The following SGCE variants were observed in gnomAD, a reference collection of about 807,000 sequenced individuals.
SGCE encodes the protein sarcoglycan epsilon.
Under a neutral mutation model 57.8 loss-of-function variants are expected in SGCE, and 26 were observed. The observed-to-expected ratio is 0.45, with a 90% CI of 0.33 to 0.62. The LOEUF (loss-of-function observed/expected upper bound fraction) is 0.62, where lower values mean the gene tolerates loss of function less well. SGCE is among the 20% of genes least tolerant of loss of function. The pLI is 0.02. For missense variants in SGCE, 468 were observed against 548.6 expected, an observed-to-expected ratio of 0.85 and a Z score of 1.47; for synonymous variants, 183 against 189.5, an observed-to-expected ratio of 0.97 and a Z score of 0.28.
chr7:94,640,731 T>TC (rs1806270692), intron 1 of SGCE, among the ~76,000 whole-genome samples: 1 of 152,150 alleles, frequency 6.6e-6, no homozygotes, highest in Non-Finnish European at 1.5e-5. Flanking sequence ...CACTGCAACC[T>TC]CCGCCTCCTG....
At chr7:94,588,619 T>A (rs1797229574) in intron 10 of SGCE, 70 bp downstream of exon 10, 1 of 1,551,586 alleles carries the variant, frequency 6.4e-7, no homozygotes, top group African/African-American at 1.4e-5. Flanking sequence ...ATAAATTATA[T>A]AGTGCCATAA....
chr7:94,596,571 G>T (rs898018088), intron 9 of SGCE, among the ~76,000 whole-genome samples: 5 of 152,034 alleles, frequency 3.3e-5, no homozygotes, highest in African/African-American at 1.2e-4. Flanking sequence ...CACACTAAGG[G>T]ACTGAAGACT....
chr7:94,648,147 A>G (rs1208397134), intron 1 of SGCE, among the ~76,000 whole-genome samples: 1 of 152,116 alleles, frequency 6.6e-6, no homozygotes, highest in East Asian at 1.9e-4. Flanking sequence ...CTGAGGTGGG[A>G]GAATCACCAG....
intron 1 of SGCE, among the ~76,000 whole-genome samples, chr7:94,633,894 C>T (rs1250448399): frequency 6.6e-6 from 1 of 152,166 alleles, no homozygotes; most frequent in African/African-American, 2.4e-5. Flanking sequence ...ACACACACAG[C>T]CCCTTCACTA....
intron 1 of SGCE, among the ~76,000 whole-genome samples, chr7:94,643,877 T>G (rs1471068517): frequency 6.6e-6 from 1 of 152,130 alleles, no homozygotes; most frequent in Non-Finnish European, 1.5e-5. Flanking sequence ...GACGGAAAAA[T>G]ATGACTCAAT....
intron 3 of SGCE, chr7:94,623,762 C>T: frequency 2.6e-6 from 1 of 391,548 alleles, no homozygotes; most frequent in East Asian, 3.6e-5. Context: ...AATTTTTGTA[C>T]TTTTAAATGG....
intron 10 of SGCE, chr7:94,588,264 AT>A: frequency 9.6e-7 from 1 of 1,043,852 alleles, no homozygotes; most frequent in South Asian, 3.8e-5. Flanking sequence ...GCCATTTCTC[AT>A]TTATCCCCCT....
Position 94,637,961 on chromosome 7 carries a change from T to C in SGCE, c.110-8120A>G, listed in dbSNP as rs192108128. Among the ~76,000 whole-genome samples the C allele has an allele frequency of 1.7e-4, 26 of 151,698 alleles. No individual in the cohort carries two copies. The East Asian group carries it at 5.0e-3, about 29-fold the overall frequency. On this transcript the variant is annotated intron_variant, in intron 1 of 10. Transcript: ENST00000648936. ...ACACCGGGGACCCATAACCAGAAAA[T>C]AGATTAGAAAAAAGGAAGAGTGACT...
intron 1 of SGCE, among the ~76,000 whole-genome samples, chr7:94,640,041 C>T (rs1011735843): frequency 1.3e-5 from 2 of 151,932 alleles, no homozygotes; most frequent in African/African-American, 4.8e-5. Context: ...GGAGATAATA[C>T]TGACAATACT....
At chr7:94,639,762 CAA>C (rs1417937051) in intron 1 of SGCE, among the ~76,000 whole-genome samples, 8 of 152,078 alleles carry the variant, frequency 5.3e-5, no homozygotes, top group Non-Finnish European at 7.4e-5. Context: ...ATTATACACA[CAA>C]ATGGTAGAAA....
At chr7:94,591,338 G>A (rs1797646660) in intron 9 of SGCE, among the ~76,000 whole-genome samples, 1 of 152,072 alleles carries the variant, frequency 6.6e-6, no homozygotes, top group South Asian at 2.1e-4. Context: ...ACTGATCTGG[G>A]TCTATTCTAC....
intron 1 of SGCE, among the ~76,000 whole-genome samples, chr7:94,642,687 T>C (rs891290559): frequency 2.6e-5 from 4 of 152,142 alleles, no homozygotes; most frequent in Non-Finnish European, 5.9e-5. Context: ...GATTTACAGG[T>C]ACAACCAATT....
At chr7:94,629,503 T>A (rs113736128) in intron 2 of SGCE, 5 of 466,082 alleles carry the variant, frequency 1.1e-5, no homozygotes, top group African/African-American at 2.0e-5. Context: ...AGACTGAGAA[T>A]CCAGAAATAT....
At chr7:94,632,962 T>C (rs1804948317) in intron 1 of SGCE, among the ~76,000 whole-genome samples, 2 of 151,988 alleles carry the variant, frequency 1.3e-5, no homozygotes, top group African/African-American at 4.8e-5. Context: ...TCACAAACCA[T>C]AAGCTTAAAG....
At chr7:94,643,060 T>G (rs546184817) in intron 1 of SGCE, among the ~76,000 whole-genome samples, 2 of 152,226 alleles carry the variant, frequency 1.3e-5, no homozygotes, top group Non-Finnish European at 1.5e-5. Context: ...CCCAGGCAGC[T>G]TCTCTTTTGT....
At chr7:94,631,651 G>A (rs1002918718) in intron 1 of SGCE, among the ~76,000 whole-genome samples, 2 of 151,920 alleles carry the variant, frequency 1.3e-5, no homozygotes, top group Non-Finnish European at 2.9e-5. Flanking sequence ...TACTGTGGGG[G>A]CCTTTCGGGG....
chr7:94,588,676 T>A lies in SGCE; in HGVS notation c.1297+13A>T. On this transcript the variant is annotated intron_variant, in intron 10 of 10. Transcript: ENST00000648936. ...TCATTCATAAACATTAATTTATTATTCTTAGCACTCACCTGTAGTCTGCTG... is the reference window on the plus strand; with the variant it reads ...TCATTCATAAACATTAATTTATTATACTTAGCACTCACCTGTAGTCTGCTG... The A allele has an allele frequency of 1.3e-6, 2 of 1,580,852 alleles. No individual in the cohort carries two copies. Among genetic ancestry groups the A allele is most frequent in the South Asian group, 2.2e-5 (2 of 90,412 alleles).
chr7:94,617,821 A>G (rs1361315773), intron 5 of SGCE: 1 of 152,204 alleles, frequency 6.6e-6, no homozygotes, highest in African/African-American at 2.4e-5. Context: ...CCATGTGTAC[A>G]TAGTTCTCCT....
intron 5 of SGCE, among the ~76,000 whole-genome samples, chr7:94,606,725 A>AT (rs1052843437): frequency 3.9e-5 from 6 of 152,216 alleles, no homozygotes; most frequent in Admixed American, 2.6e-4. Flanking sequence ...ACCATAAAAA[A>AT]TTAACAAATT....
Sources: gnomAD v4.1 joint callset for allele counts (sites outside exome capture counted in the v4.1 genomes callset) on GRCh38, gnomAD v4.1.1 for gene constraint, MANE v1.5 for transcripts, NCBI Gene and HGNC (gene_info 2026-07-23, HGNC 2026-07-21) for gene names.